VCAN: variants seen among roughly 807,000 people sequenced by gnomAD.
The protein encoded by VCAN is versican.
Under a neutral mutation model 245.5 loss-of-function variants are expected in VCAN, and 44 were observed. That is an observed-to-expected ratio of 0.18 (90% confidence interval 0.14 to 0.23). The LOEUF (loss-of-function observed/expected upper bound fraction) is 0.23, where lower values mean the gene tolerates loss of function less well. Ranked by LOEUF, VCAN falls within the 10% of genes least tolerant of loss-of-function variation. The pLI, the probability that VCAN is intolerant of heterozygous loss-of-function variation, is 1.00. For missense variants in VCAN, 3,793 were observed against 4,057.9 expected, an observed-to-expected ratio of 0.93 and a Z score of 1.77; for synonymous variants, 1,413 against 1,437.0, an observed-to-expected ratio of 0.98 and a Z score of 0.38.
At position 83,522,128 on chromosome 5, in the gene VCAN, T is replaced by C. The variant is rs1176149429; in HGVS notation, c.3822T>C (p.Asp1274=). 3 of 1,613,794 alleles carry C rather than the reference T, an allele frequency of 1.9e-6. No homozygotes were observed. The East Asian group carries it at 6.7e-5, about 36-fold the overall frequency. The change falls in exon 7 of 15, where the codon GAT becomes GAC. Residue 1274 remains aspartate (D), a synonymous_variant. Transcript: ENST00000265077. ...TTGTAGCCAAGGAAACAGAAACCGATATTGATAGAGAGTATTTCACGACTT... is the reference window on the plus strand; with the variant it reads ...TTGTAGCCAAGGAAACAGAAACCGACATTGATAGAGAGTATTTCACGACTT... ...EDIVAKETET[D]IDREYFTTSS... is the part of the protein sequence containing the mutation.
chr5:83,479,998 C>T (rs1054335128), intron 1 of VCAN, among the ~76,000 whole-genome samples: 1 of 152,134 alleles, frequency 6.6e-6, no homozygotes, highest in Non-Finnish European at 1.5e-5. Context: ...AGGGGAGAGA[C>T]TGCTGCTTGG....
rs774306510 is a variant in VCAN at position 83,512,333 on chromosome 5, C to T, written c.979C>T (p.Arg327Cys). Residue 327 changes from arginine to cysteine, a missense_variant, in exon 6 of 15, where the codon CGT becomes TGT. Arg to Cys is a radical substitution (Grantham distance 180). Transcript: ENST00000265077. The part of the protein sequence containing the change: ...GGLLGVRTLY[R>C]FENQTGFPPP... ...TCTACTTGGGGTGAGAACCCTGTAT[C>T]GTTTTGAGAACCAGACAGGCTTCCC... The T allele has an allele frequency of 1.9e-6, 3 of 1,610,980 alleles. No homozygotes were observed. Among genetic ancestry groups the T allele is most frequent in the Non-Finnish European group, 1.7e-6 (2 of 1,177,406 alleles).
chr5:83,526,189 C>T (rs1035400958), intron 7 of VCAN, among the ~76,000 whole-genome samples: 18 of 152,164 alleles, frequency 1.2e-4, no homozygotes, highest in African/African-American at 4.3e-4. Context: ...CCACCTGCCA[C>T]GGCCTCCCAA....
At chr5:83,548,587 CTT>C (rs939143013) in intron 10 of VCAN, among the ~76,000 whole-genome samples, 12 of 152,286 alleles carry the variant, frequency 7.9e-5, no homozygotes, top group African/African-American at 2.6e-4. Flanking sequence ...GAAGGATTGA[CTT>C]TTTCTGAATG....
At chr5:83,480,078 G>C (rs1744560699) in intron 1 of VCAN, among the ~76,000 whole-genome samples, 2 of 152,126 alleles carry the variant, frequency 1.3e-5, no homozygotes, top group African/African-American at 4.8e-5. Context: ...TTTGAAAGAA[G>C]TTAGAGATCT....
chr5:83,488,519 C>T (rs1234711693), intron 2 of VCAN, among the ~76,000 whole-genome samples: 7 of 152,112 alleles, frequency 4.6e-5, no homozygotes, highest in African/African-American at 9.7e-5. Flanking sequence ...GTAAGGAATT[C>T]GACCAGTTTT....
Sources: allele counts gnomAD v4.1 joint callset (sites outside exome capture counted in the v4.1 genomes callset), GRCh38; gene constraint gnomAD v4.1.1; transcripts MANE v1.5; gene names NCBI Gene and HGNC (gene_info 2026-07-23, HGNC 2026-07-21).